Variants in ZNF496 observed in about 807,000 individuals in gnomAD.
ZNF496 encodes the protein zinc finger protein 496.
In ZNF496, 11 loss-of-function variants were observed where a neutral mutation model predicts 58.9. The observed-to-expected ratio is 0.19, with a 90% confidence interval of 0.12 to 0.31. The LOEUF is 0.31. ZNF496 is among the 10% of genes least tolerant of loss of function. ZNF496 has a pLI of 1.00. For synonymous variants in ZNF496, 338 were observed against 318.2 expected (o/e 1.06, Z -0.66); for missense variants, 660 against 783.0 (o/e 0.84, Z 1.88).
chr1:247,321,836 T>A (rs1659975104), intron 6 of ZNF496, among the ~76,000 whole-genome samples: 1 of 152,266 alleles, frequency 6.6e-6, no homozygotes, highest in Non-Finnish European at 1.5e-5. Flanking sequence ...ATGGTCACAG[T>A]ACACAGCAGA....
chr1:247,327,818 G>GC (rs1241540107), intron 5 of ZNF496, among the ~76,000 whole-genome samples: 8 of 83,874 alleles, frequency 9.5e-5, no homozygotes, highest in Non-Finnish European at 1.6e-4. Flanking sequence ...AGCCCCCCTG[G>GC]CCCCCCAGAC....
At position 247,328,948 on chromosome 1, in the gene ZNF496, C is replaced by T. The variant is rs1660226965; in HGVS notation, c.391-82G>A. 15 of 1,499,340 alleles carry T rather than the reference C, an allele frequency of 1.0e-5. No individual in the cohort carries two copies. In the South Asian group the frequency reaches 1.7e-4, roughly 17 times the overall value. The allele number at this position is 1,499,340 out of a possible 1,614,324, so 92.9% of individuals were successfully genotyped here. ...GGCCTGGTGACCATCCACTCCACAG[C>T]TGACCATCAAAGGCTCAACTTAGGC... is the stretch of plus-strand genomic sequence containing the variant. On this transcript the variant is annotated intron_variant, in intron 4 of 9. Coordinates refer to ENST00000682384, the MANE Select transcript of ZNF496 (RefSeq NM_032752.3).
chr1:247,299,917 T>G lies in ZNF496; in HGVS notation c.*602A>C, dbSNP rs1269583000. On this transcript the variant is annotated 3_prime_UTR_variant, in exon 10 of 10. Transcript: ENST00000682384. Reference sequence around the variant, plus strand: ...AGCCCAAAAGGGCTGCCTGATCATCTTGGATCTGCGGGGTGCTCCTGCCTA... The same window carrying G: ...AGCCCAAAAGGGCTGCCTGATCATCGTGGATCTGCGGGGTGCTCCTGCCTA... 1 of 152,264 alleles carries G rather than the reference T, an allele frequency of 6.6e-6. No individual in the cohort carries two copies. Among genetic ancestry groups the G allele is most frequent in the African/African-American group, 2.4e-5 (1 of 41,450 alleles). The allele number at this position is 152,264 out of a possible 1,614,324, so 9.4% of individuals were successfully genotyped here.
chr1:247,320,115 C>G (rs140797967), intron 6 of ZNF496, among the ~76,000 whole-genome samples: 2 of 152,140 alleles, frequency 1.3e-5, no homozygotes, highest in Non-Finnish European at 2.9e-5. Flanking sequence ...TACTTACCAA[C>G]GATTGCATAC....
chr1:247,322,805 T>C, intron 6 of ZNF496: 1 of 1,305,624 alleles, frequency 7.7e-7, no homozygotes, highest in South Asian at 1.2e-5. Flanking sequence ...TGAAAAATTC[T>C]CTGTAAAATA....
At chr1:247,307,074 C>A in intron 9 of ZNF496, 1 of 984,600 alleles carries the variant, frequency 1.0e-6, no homozygotes, top group Non-Finnish European at 1.2e-6. Flanking sequence ...ACACAATAAA[C>A]AAGAAAAGAT....
intron 6 of ZNF496, among the ~76,000 whole-genome samples, chr1:247,316,112 C>T (rs1455520716): frequency 1.3e-5 from 2 of 148,464 alleles, no homozygotes; most frequent in African/African-American, 4.9e-5. Context: ...ATTCATCACT[C>T]TGACACGACT....
intron 5 of ZNF496, among the ~76,000 whole-genome samples, chr1:247,328,180 C>T (rs903847868): frequency 2.0e-5 from 3 of 152,176 alleles, no homozygotes; most frequent in Admixed American, 6.5e-5. Context: ...CTATGTGTAG[C>T]TGATGTTCTG....
intron 6 of ZNF496, 170 bp from the exon 7 acceptor site, chr1:247,310,626 A>C: frequency 1.2e-6 from 1 of 808,900 alleles, no homozygotes; most frequent in Non-Finnish European, 1.9e-6. Flanking sequence ...AGGTGCCAGC[A>C]GGCTGGGTGC....
In ZNF496 at chr1:247,301,111, C is replaced by T. The variant is rs369925424; in HGVS notation, c.1172G>A (p.Ser391Asn). 15 of 1,613,726 alleles carry T rather than the reference C, an allele frequency of 9.3e-6. No individual in the cohort carries two copies. In the African/African-American group the frequency reaches 1.5e-4, roughly 16 times the overall value. The change falls in exon 10 of 10, where the codon AGC becomes AAC. Residue 391 changes from serine to asparagine, a missense_variant. Coordinates refer to ENST00000682384, the MANE Select transcript of ZNF496 (RefSeq NM_032752.3). ...KQRSLPASHRSSTEAGGEVQT... is the reference protein window; with the variant it reads ...KQRSLPASHRNSTEAGGEVQT... Reference sequence around the variant, plus strand: ...CACCTCGCCTCCGGCCTCGGTGCTGCTCCGGTGGGAGGCGGGGAGGCTGCG... The same window carrying T: ...CACCTCGCCTCCGGCCTCGGTGCTGTTCCGGTGGGAGGCGGGGAGGCTGCG...
Position 247,300,515 on chromosome 1 carries a change from A to G in ZNF496, c.*4T>C. On this transcript the variant is annotated 3_prime_UTR_variant, in exon 10 of 10. Coordinates refer to ENST00000682384, the MANE Select transcript of ZNF496 (RefSeq NM_032752.3). This position sits in a 1 kb window ranked among gnomAD's most constrained non-coding sequence, Gnocchi z 5.7. ...CAGGGTGAGGCCGCCCCAGGCGGAG[A>G]GGCTCAGTAGGAGTTCAGAGCCTGC... The G allele has an allele frequency of 6.3e-7, 1 of 1,596,518 alleles. No homozygotes were observed. The highest frequency in any genetic ancestry group is 1.1e-5 in the South Asian group (1 of 89,742).
chr1:247,316,759 C>G (rs1351276392), intron 6 of ZNF496, among the ~76,000 whole-genome samples: 1 of 152,200 alleles, frequency 6.6e-6, no homozygotes, highest in African/African-American at 2.4e-5. Context: ...GGTGGACAGA[C>G]AGTGCTCCAG....
rs1285731123 is a variant in ZNF496 at position 247,300,575 on chromosome 1, G to A, written c.1708C>T (p.Arg570Cys). The A allele has an allele frequency of 6.2e-7, 1 of 1,613,320 alleles. No homozygotes were observed. Among genetic ancestry groups the A allele is most frequent in the Non-Finnish European group, 8.5e-7 (1 of 1,179,410 alleles). The change falls in exon 10 of 10, where the codon CGC becomes TGC. Residue 570 changes from arginine to cysteine, a missense_variant. Coordinates refer to ENST00000682384, the MANE Select transcript of ZNF496 (RefSeq NM_032752.3). This position sits in a 1 kb window ranked among gnomAD's most constrained non-coding sequence, Gnocchi z 5.7. ...CGCTTCATGTGCAGGCGCTCGTGGC[G>A]GAGGAGGTCATAGTTCTGCGTGAAG... ...KSFTQNYDLLRHERLHMKRRS... is the reference protein window; with the variant it reads ...KSFTQNYDLLCHERLHMKRRS...
At chr1:247,307,658 G>A (rs959405530) in intron 9 of ZNF496, 5 of 985,356 alleles carry the variant, frequency 5.1e-6, no homozygotes, top group Non-Finnish European at 6.0e-6. Context: ...CATGAAAGGG[G>A]GCCAAGTACA....
At chr1:247,326,400 A>C (rs1660129732) in intron 5 of ZNF496, among the ~76,000 whole-genome samples, 1 of 152,144 alleles carries the variant, frequency 6.6e-6, no homozygotes, top group South Asian at 2.1e-4. Context: ...ATTATTGCTC[A>C]TGGAAATGGG....
chr1:247,308,619 T>C lies in ZNF496; in HGVS notation c.893-31A>G. On this transcript the variant is annotated intron_variant, in intron 8 of 9. Coordinates refer to ENST00000682384, the MANE Select transcript of ZNF496 (RefSeq NM_032752.3). The surrounding 1 kb of genome is among the most constrained non-coding windows in gnomAD (Gnocchi z 4.5). ...CAGAGGAGGAAATGGAAAAATTGAT[T>C]TGTTTTGCACCTACAGCACTACCTG... 6.2e-7 allele frequency: 1 copy of C among 1,600,792 alleles called. No homozygotes were observed. The highest frequency in any genetic ancestry group is 1.1e-5 in the South Asian group (1 of 90,812).
intron 9 of ZNF496, among the ~76,000 whole-genome samples, chr1:247,301,555 C>T (rs1305337978): frequency 6.6e-6 from 1 of 152,108 alleles, no homozygotes; most frequent in African/African-American, 2.4e-5. Flanking sequence ...CCCTTTTGTT[C>T]TCTACCCACG....
At chr1:247,302,188 A>G (rs540335563) in intron 9 of ZNF496, among the ~76,000 whole-genome samples, 5 of 152,310 alleles carry the variant, frequency 3.3e-5, no homozygotes, top group Admixed American at 1.3e-4. Context: ...GCCCTCCCAG[A>G]TAAGAGTAGG....
chr1:247,318,810 A>C (rs756096129), intron 6 of ZNF496, among the ~76,000 whole-genome samples: 2 of 152,246 alleles, frequency 1.3e-5, no homozygotes, highest in Non-Finnish European at 2.9e-5. Context: ...CAATATGGGT[A>C]ATAAATAGGT....
Sources: gnomAD v4.1 joint callset for allele counts (sites outside exome capture counted in the v4.1 genomes callset) on GRCh38, gnomAD v4.1.1 for gene constraint, Gnocchi (gnomAD v3.1) non-coding constraint, MANE v1.5 for transcripts, NCBI Gene and HGNC (gene_info 2026-07-23, HGNC 2026-07-21) for gene names.